The following ERC1 variants were observed in gnomAD, a reference collection of about 807,000 sequenced individuals.
The protein encoded by ERC1 is RAB6 interacting protein 2.
A neutral mutation model predicts 132.0 loss-of-function variants in ERC1; 56 were observed. The ratio of observed to expected loss-of-function variants is 0.42; its 90% CI spans 0.34 to 0.53. The LOEUF (loss-of-function observed/expected upper bound fraction) is 0.53. ERC1 is among the 20% of genes least tolerant of loss of function. The pLI, the probability that ERC1 is intolerant of heterozygous loss-of-function variation, is 0.03. For missense variants in ERC1, 1,202 were observed against 1,349.9 expected, an observed-to-expected ratio of 0.89 and a Z score of 1.72; for synonymous variants, 478 against 476.1, an observed-to-expected ratio of 1.00 and a Z score of -0.05.
chr12:1,064,873 A>G (rs532298669), intron 2 of ERC1, among the ~76,000 whole-genome samples: 20 of 152,202 alleles, frequency 1.3e-4, no homozygotes, highest in Non-Finnish European at 2.6e-4. Flanking sequence ...CAGGTTGTCT[A>G]TGCCATTTAC....
chr12:1,204,231 C>G (rs1957159747), intron 12 of ERC1: 1 of 343,312 alleles, frequency 2.9e-6, no homozygotes, highest in African/African-American at 2.1e-5. Flanking sequence ...TTTTTCCTGC[C>G]CCAGGAAATG....
At chr12:1,489,983 G>T in intron 18 of ERC1, 110 bp from the exon 19 acceptor site, 1 of 1,196,728 alleles carries the variant, frequency 8.4e-7, no homozygotes, top group South Asian at 1.6e-5. Flanking sequence ...TTTTGATGCA[G>T]AGAGACTTCA....
intron 14 of ERC1, among the ~76,000 whole-genome samples, chr12:1,269,453 T>C (rs1476575811): frequency 6.6e-6 from 1 of 152,092 alleles, no homozygotes; most frequent in Non-Finnish European, 1.5e-5. Flanking sequence ...AAGACTAATA[T>C]GACTGGCGGG....
Position 1,477,346 on chromosome 12 carries a change from C to A in ERC1, c.3214-12747C>A, listed in dbSNP as rs549887741. Among the ~76,000 whole-genome samples the A allele has an allele frequency of 1.8e-4, 27 of 152,310 alleles. No individual in the cohort carries two copies. In the South Asian group the frequency reaches 4.8e-3, roughly 27 times the overall value. On this transcript the variant is annotated intron_variant, in intron 18 of 18. Transcript: ENST00000360905. ...TTAGTTGCTGTTATTATCACCCTCCCCCCTTTTAAAGCTAAAGGTAAACAC... is the reference window on the plus strand; with the variant it reads ...TTAGTTGCTGTTATTATCACCCTCCACCCTTTTAAAGCTAAAGGTAAACAC...
chr12:1,203,357 C>T (rs1019241902), intron 12 of ERC1, among the ~76,000 whole-genome samples: 15 of 152,160 alleles, frequency 9.9e-5, no homozygotes, highest in Non-Finnish European at 1.5e-4. Flanking sequence ...TGCGCCTGCC[C>T]GGCTGCTACA....
intron 18 of ERC1, among the ~76,000 whole-genome samples, chr12:1,485,818 C>T (rs1347066135): frequency 1.3e-5 from 2 of 152,018 alleles, no homozygotes; most frequent in African/African-American, 2.4e-5. Flanking sequence ...AAGCACTTAC[C>T]CTCCTCTCCA....
intron 2 of ERC1, among the ~76,000 whole-genome samples, chr12:1,073,250 G>A (rs768659604): frequency 1.4e-4 from 21 of 152,056 alleles, no homozygotes; most frequent in Middle Eastern, 3.4e-3. Flanking sequence ...GCAGTGAGCT[G>A]AGATCACGCC....
chr12:997,988 T>C (rs1012468895), intron 1 of ERC1, among the ~76,000 whole-genome samples: 6 of 152,256 alleles, frequency 3.9e-5, no homozygotes, highest in African/African-American at 1.2e-4. Flanking sequence ...TGGCTTGTTA[T>C]CATCATTTAA....
chr12:1,289,801 A>G, intron 14 of ERC1, 51 bp from the exon 15 acceptor site: 1 of 1,519,474 alleles, frequency 6.6e-7, no homozygotes, highest in South Asian at 1.1e-5. Flanking sequence ...AGGTCCTCTG[A>G]CTCTGATTGA....
At chr12:1,410,641 T>C (rs1339565951) in intron 17 of ERC1, among the ~76,000 whole-genome samples, 5 of 149,948 alleles carry the variant, frequency 3.3e-5, no homozygotes. Context: ...TTGGATTTTG[T>C]GGCTTTTTTT....
At position 1,162,577 on chromosome 12, in the gene ERC1, G is replaced by A. The variant is rs1286893915; in HGVS notation, c.1738-17963G>A. 2.0e-5 allele frequency among the ~76,000 whole-genome samples: 3 copies of A among 151,346 alleles called. 1 individual carries two copies. Among genetic ancestry groups the A allele is most frequent in the African/African-American group, 7.3e-5 (3 of 41,182 alleles). The stretch of plus-strand genomic sequence containing the variant: ...AAAGAATAGGTCCTTTGTATGTTCC[G>A]TTTGTTTTCTGTGAAGTCTTGGATA... On this transcript the variant is annotated intron_variant, in intron 8 of 18. Transcript: ENST00000360905.
chr12:1,374,212 G>A (rs377149618), intron 16 of ERC1, among the ~76,000 whole-genome samples: 31 of 152,348 alleles, frequency 2.0e-4, no homozygotes, highest in Admixed American at 1.1e-3. Context: ...TAACAGGGAA[G>A]CAGTCAGCAT....
At chr12:1,050,987 G>C (rs953197163) in intron 2 of ERC1, among the ~76,000 whole-genome samples, 4 of 151,854 alleles carry the variant, frequency 2.6e-5, no homozygotes, top group African/African-American at 9.7e-5. Context: ...CCTGGCAACA[G>C]AGTGAGACTC....
intron 12 of ERC1, among the ~76,000 whole-genome samples, chr12:1,227,444 C>T (rs2074676502): frequency 6.6e-6 from 1 of 152,120 alleles, no homozygotes; most frequent in African/African-American, 2.4e-5. Flanking sequence ...ACCTGGTGAC[C>T]ATTTGGCCAT....
intron 12 of ERC1, among the ~76,000 whole-genome samples, chr12:1,192,064 G>A (rs1465354126): frequency 6.6e-6 from 1 of 152,226 alleles, no homozygotes; most frequent in Non-Finnish European, 1.5e-5. Context: ...CTAGTAGAAT[G>A]TGGTTTGTAA....
intron 1 of ERC1, among the ~76,000 whole-genome samples, chr12:993,033 T>G (rs796129010): frequency 9.8e-5 from 15 of 152,332 alleles, no homozygotes; most frequent in African/African-American, 3.4e-4. Context: ...AGTGCCTACT[T>G]AATGAGCAGA....
At chr12:1,078,243 T>TG (rs1941645940) in intron 2 of ERC1, among the ~76,000 whole-genome samples, 1 of 152,150 alleles carries the variant, frequency 6.6e-6, no homozygotes, top group South Asian at 2.1e-4. Flanking sequence ...TATTTCCCTT[T>TG]GGGATATATT....
intron 15 of ERC1, among the ~76,000 whole-genome samples, chr12:1,317,066 CAGG>C (rs1474773106): frequency 6.6e-6 from 1 of 150,866 alleles, no homozygotes; most frequent in East Asian, 1.9e-4. Context: ...GAGGCTGAGA[CAGG>C]AGAATCGCTT....
At chr12:1,075,545 G>C (rs1941198729) in intron 2 of ERC1, among the ~76,000 whole-genome samples, 1 of 152,050 alleles carries the variant, frequency 6.6e-6, no homozygotes, top group South Asian at 2.1e-4. Flanking sequence ...ACAAACATTA[G>C]CCAGGCGTGG....
Sources: allele counts gnomAD v4.1 joint callset (sites outside exome capture counted in the v4.1 genomes callset), GRCh38; gene constraint gnomAD v4.1.1; transcripts MANE v1.5; gene names NCBI Gene and HGNC (gene_info 2026-07-23, HGNC 2026-07-21).